The following OSBP2 variants were observed in gnomAD, a reference collection of about 807,000 sequenced individuals.
OSBP2 encodes oxysterol binding protein 2.
Under a neutral mutation model 96.0 loss-of-function variants are expected in OSBP2, and 66 were observed. That is an observed-to-expected ratio of 0.69 (90% CI 0.56 to 0.84). The LOEUF (loss-of-function observed/expected upper bound fraction) is 0.84, where lower values mean the gene tolerates loss of function less well. Among genes scored for constraint, OSBP2 ranks in the 40% least tolerant of loss-of-function variants. The pLI is 0.00. For synonymous variants in OSBP2, 525 were observed against 520.9 expected, an observed-to-expected ratio of 1.01 and a Z score of -0.11; for missense variants, 1,038 against 1,222.7, an observed-to-expected ratio of 0.85 and a Z score of 2.25.
intron 8 of OSBP2, among the ~76,000 whole-genome samples, chr22:30,891,652 G>A (rs914375090): frequency 1.3e-5 from 2 of 152,166 alleles, no homozygotes; most frequent in Admixed American, 1.3e-4. Flanking sequence ...GCCAGACCTG[G>A]GGGAAGGGGG....
intron 2 of OSBP2, among the ~76,000 whole-genome samples, chr22:30,859,953 C>CT (rs1310455629): frequency 6.6e-6 from 1 of 152,070 alleles, no homozygotes; most frequent in Non-Finnish European, 1.5e-5. Flanking sequence ...CTCTGCAGAG[C>CT]TAGGAGGCAG....
At chr22:30,835,379 G>A (rs1371987746) in intron 2 of OSBP2, among the ~76,000 whole-genome samples, 3 of 152,046 alleles carry the variant, frequency 2.0e-5, no homozygotes, top group African/African-American at 7.2e-5. Context: ...ACCATTTGTT[G>A]AGAATATTTT....
At chr22:30,904,537 T>G (rs2040286536) in intron 12 of OSBP2, among the ~76,000 whole-genome samples, 1 of 152,138 alleles carries the variant, frequency 6.6e-6, no homozygotes, top group East Asian at 1.9e-4. Flanking sequence ...AAAGTAAATC[T>G]ATGGATATGG....
intron 1 of OSBP2, among the ~76,000 whole-genome samples, chr22:30,718,532 A>G (rs2089497817): frequency 6.6e-6 from 1 of 152,222 alleles, no homozygotes; most frequent in Non-Finnish European, 1.5e-5. Flanking sequence ...GACTCGGGAA[A>G]TGTCTGTTGA....
At chr22:30,809,561 C>T (rs1321702207) in intron 2 of OSBP2, among the ~76,000 whole-genome samples, 4 of 152,148 alleles carry the variant, frequency 2.6e-5, no homozygotes, top group South Asian at 2.1e-4. Context: ...AGGGAGCAGC[C>T]GGTGGAGCCA....
At chr22:30,888,661 G>A (rs1471400465) in intron 5 of OSBP2, among the ~76,000 whole-genome samples, 1 of 152,184 alleles carries the variant, frequency 6.6e-6, no homozygotes, top group Non-Finnish European at 1.5e-5. Context: ...CCAGGGAGGT[G>A]GAGGCTGCAG....
intron 2 of OSBP2, among the ~76,000 whole-genome samples, chr22:30,759,978 C>T (rs141623703): frequency 6.6e-6 from 1 of 151,930 alleles, no homozygotes; most frequent in East Asian, 1.9e-4. Flanking sequence ...TCTCCTCCCT[C>T]AGCCTCCTTA....
At chr22:30,884,925 G>A (rs2039778140) in intron 3 of OSBP2, among the ~76,000 whole-genome samples, 3 of 152,230 alleles carry the variant, frequency 2.0e-5, no homozygotes, top group Admixed American at 6.5e-5. Context: ...GCATCTGAGC[G>A]GTTCTGACTG....
intron 3 of OSBP2, among the ~76,000 whole-genome samples, chr22:30,884,261 C>A (rs1315553682): frequency 1.3e-5 from 2 of 152,184 alleles, no homozygotes; most frequent in East Asian, 3.9e-4. Flanking sequence ...AGGGAGGAGA[C>A]CTTCATCTGT....
At chr22:30,791,256 G>A (rs1360870195) in intron 2 of OSBP2, among the ~76,000 whole-genome samples, 3 of 150,800 alleles carry the variant, frequency 2.0e-5, no homozygotes, top group Non-Finnish European at 2.9e-5. Flanking sequence ...ACAGGTGTGA[G>A]CCACCATGCC....
intron 2 of OSBP2, chr22:30,764,498 T>A: frequency 1.6e-6 from 1 of 643,080 alleles, no homozygotes; most frequent in Non-Finnish European, 1.9e-6. Flanking sequence ...TAAACAGCTC[T>A]CGGGAACCCT....
At chr22:30,844,140 G>A (rs549554336) in intron 2 of OSBP2, among the ~76,000 whole-genome samples, 1 of 152,282 alleles carries the variant, frequency 6.6e-6, no homozygotes, top group East Asian at 1.9e-4. Flanking sequence ...CTCCCAAAGT[G>A]GTAGGATTAC....
At chr22:30,776,796 T>C (rs2090443584) in intron 2 of OSBP2, among the ~76,000 whole-genome samples, 1 of 152,174 alleles carries the variant, frequency 6.6e-6, no homozygotes, top group Non-Finnish European at 1.5e-5. Context: ...CTGGAAATAT[T>C]CACGTTAATC....
intron 1 of OSBP2, among the ~76,000 whole-genome samples, chr22:30,715,444 A>C (rs999724180): frequency 2.0e-5 from 3 of 148,944 alleles, no homozygotes. Flanking sequence ...TGGCATGATC[A>C]TGGCTCACTG....
At chr22:30,817,789 G>A (rs2146970412) in intron 2 of OSBP2, among the ~76,000 whole-genome samples, 1 of 152,340 alleles carries the variant, frequency 6.6e-6, no homozygotes, top group Admixed American at 6.5e-5. Flanking sequence ...TTCACAGTCT[G>A]TTGTTGGAGA....
At chr22:30,882,215 G>C (rs977234714) in intron 3 of OSBP2, among the ~76,000 whole-genome samples, 1 of 152,194 alleles carries the variant, frequency 6.6e-6, no homozygotes, top group African/African-American at 2.4e-5. Flanking sequence ...TCTGTTGCTT[G>C]GACAGGGTTA....
chr22:30,698,866 G>A (rs546009635), intron 1 of OSBP2, among the ~76,000 whole-genome samples: 12 of 152,196 alleles, frequency 7.9e-5, no homozygotes, highest in African/African-American at 2.2e-4. Context: ...AATCCTGGTC[G>A]CCATGCACTT....
intron 1 of OSBP2, among the ~76,000 whole-genome samples, chr22:30,711,310 T>C (rs2089344342): frequency 6.6e-6 from 1 of 151,900 alleles, no homozygotes; most frequent in African/African-American, 2.4e-5. Flanking sequence ...TTATACAATG[T>C]TTGATACTAT....
At chr22:30,862,943 A>G (rs1330110033) in intron 2 of OSBP2, among the ~76,000 whole-genome samples, 1 of 149,590 alleles carries the variant, frequency 6.7e-6, no homozygotes, top group African/African-American at 2.5e-5. Flanking sequence ...ACTGCACTCC[A>G]GCCCGGGTGA....
Sources: gnomAD v4.1 joint callset for allele counts (sites outside exome capture counted in the v4.1 genomes callset) on GRCh38, gnomAD v4.1.1 for gene constraint, MANE v1.5 for transcripts, NCBI Gene and HGNC (gene_info 2026-07-23, HGNC 2026-07-21) for gene names.